Variants in CPXM2 observed in about 807,000 individuals in gnomAD.
The protein encoded by CPXM2 is inactive carboxypeptidase-like protein X2.
Under a neutral mutation model 86.1 loss-of-function variants are expected in CPXM2, and 66 were observed. The ratio of observed to expected loss-of-function variants is 0.77; its 90% CI spans 0.63 to 0.94. CPXM2 has a LOEUF of 0.94. Among genes scored for constraint, CPXM2 ranks in the 40% least tolerant of loss-of-function variants. The pLI is 0.00. For missense variants in CPXM2, 948 were observed against 1,026.3 expected (o/e 0.92, Z 1.04); for synonymous variants, 388 against 400.2 (o/e 0.97, Z 0.36).
chr10:123,923,763 T>C (rs940183650), intron 2 of CPXM2, among the ~76,000 whole-genome samples: 1 of 152,172 alleles, frequency 6.6e-6, no homozygotes, highest in Non-Finnish European at 1.5e-5. Flanking sequence ...GTTTCCTTCA[T>C]ACTATTCTCG....
At position 123,891,660 on chromosome 10, in the gene CPXM2, G is replaced by A. The variant is rs761094059; in HGVS notation, c.-1C>T. 6.8e-5 allele frequency: 95 copies of A among 1,400,094 alleles called. No homozygotes were observed. Among genetic ancestry groups the A allele is most frequent in the Non-Finnish European group, 8.5e-5 (92 of 1,078,644 alleles). The allele number at this position is 1,400,094 out of a possible 1,614,324, so 86.7% of individuals were successfully genotyped here. A position where few individuals can be genotyped will look rare whatever the true frequency, so the allele number is the denominator to read the frequency against. On this transcript the variant is annotated 5_prime_UTR_variant, in exon 1 of 14. Transcript: ENST00000241305. The surrounding 1 kb of genome is among the most constrained non-coding windows in gnomAD (Gnocchi z 5.6). ...GGGTAGCGGTCCCCGGGCGGGACAT[G>A]CCTGCTCCGCCCCGCGCCCAGGGCA...
chr10:123,892,163 A>T (rs1266217881), upstream of CPXM2, among the ~76,000 whole-genome samples: 4 of 152,204 alleles, frequency 2.6e-5, no homozygotes, highest in Non-Finnish European at 5.9e-5. Flanking sequence ...GAGCCCAAGC[A>T]GCCTCCAGCT....
At chr10:123,788,439 C>T (rs910542020) in intron 6 of CPXM2, among the ~76,000 whole-genome samples, 3 of 152,134 alleles carry the variant, frequency 2.0e-5, no homozygotes, top group East Asian at 1.9e-4. Flanking sequence ...AAGCCCGATA[C>T]GAAACTTCCC....
chr10:123,746,935 G>C lies in CPXM2; in HGVS notation c.2100C>G (p.Thr700=). ...TGTCATAGCCAACCATACAGTTCTT[G>C]GTGGATGCAGTGAAACCTTCGGCCT... ...TAKAEGFTAS[T]KNCMVGYDMG... The change falls in exon 14 of 14, where the codon ACC becomes ACG. Residue 700 remains threonine, a synonymous_variant. Transcript: ENST00000241305. 6.2e-7 allele frequency: 1 copy of C among 1,614,174 alleles called. No individual in the cohort carries two copies. Among genetic ancestry groups the C allele is most frequent in the Non-Finnish European group, 8.5e-7 (1 of 1,180,028 alleles).
At position 123,862,633 on chromosome 10, in the gene CPXM2, C is replaced by G. The variant is rs144190123; in HGVS notation, c.494G>C (p.Arg165Pro). The G allele has an allele frequency of 8.7e-6, 14 of 1,614,150 alleles. No homozygotes were observed. Among genetic ancestry groups the G allele is most frequent in the East Asian group, 2.2e-5 (1 of 44,874 alleles). ...TVKRYGLGAHRGRLNIQAGIN... is the reference protein window; with the variant it reads ...TVKRYGLGAHPGRLNIQAGIN... ...AGGTACCTGGATGTTGAGTCTCCCT[C>G]GATGTGCCCCCAGGCCATAGCGCTT... The change falls in exon 3 of 14, where the codon CGA becomes CCA. Residue 165 changes from arginine to proline, a missense_variant. By Grantham distance (103) the Arg-to-Pro change is moderately radical (BLOSUM62 -2). Transcript: ENST00000241305.
intron 3 of CPXM2, among the ~76,000 whole-genome samples, chr10:123,852,241 G>A (rs1479974506): frequency 2.0e-5 from 3 of 152,064 alleles, no homozygotes; most frequent in Non-Finnish European, 4.4e-5. Flanking sequence ...ATTCCCAGGT[G>A]GGATTTTTTT....
intron 4 of CPXM2, among the ~76,000 whole-genome samples, chr10:123,827,646 T>C (rs538184418): frequency 5.9e-5 from 9 of 152,350 alleles, no homozygotes; most frequent in Non-Finnish European, 1.0e-4. Flanking sequence ...TCTACAAATG[T>C]ACACACAGCT....
intron 2 of CPXM2, among the ~76,000 whole-genome samples, chr10:123,876,659 A>G (rs1944992897): frequency 6.6e-6 from 1 of 152,226 alleles, no homozygotes; most frequent in African/African-American, 2.4e-5. Context: ...CACTTATATA[A>G]TATCCTGGAT....
At chr10:123,773,706 G>A (rs1445001901) in intron 7 of CPXM2, among the ~76,000 whole-genome samples, 1 of 152,152 alleles carries the variant, frequency 6.6e-6, no homozygotes, top group Non-Finnish European at 1.5e-5. Flanking sequence ...GCAGAGCATT[G>A]GGTCACCATG....
chr10:123,832,870 C>T (rs914614332), intron 4 of CPXM2, among the ~76,000 whole-genome samples: 1 of 150,148 alleles, frequency 6.7e-6, no homozygotes, highest in Non-Finnish European at 1.5e-5. Context: ...GCAGAGCCCT[C>T]ATGAATGGAT....
chr10:123,808,140 A>G (rs923990995), intron 4 of CPXM2, among the ~76,000 whole-genome samples: 4 of 152,220 alleles, frequency 2.6e-5, no homozygotes, highest in Admixed American at 6.5e-5. Flanking sequence ...GAGGCAGGCC[A>G]TAATAGAAAA....
chr10:123,866,105 C>T (rs1166475686), intron 2 of CPXM2, among the ~76,000 whole-genome samples: 3 of 152,124 alleles, frequency 2.0e-5, no homozygotes, highest in Non-Finnish European at 4.4e-5. Flanking sequence ...CCACCTTCCC[C>T]AGGGCAGTCT....
chr10:123,844,844 A>G (rs1163996968), intron 3 of CPXM2, among the ~76,000 whole-genome samples: 1 of 152,166 alleles, frequency 6.6e-6, no homozygotes, highest in Non-Finnish European at 1.5e-5. Flanking sequence ...CCTGGGTTTC[A>G]AGATACCTTT....
At chr10:123,862,955 C>G (rs1010163005) in intron 2 of CPXM2, among the ~76,000 whole-genome samples, 4 of 152,312 alleles carry the variant, frequency 2.6e-5, no homozygotes, top group Admixed American at 2.6e-4. Flanking sequence ...CTTTTGCTGT[C>G]CATGCTACTG....
At chr10:123,925,838 G>A (rs182324830) in intron 2 of CPXM2, among the ~76,000 whole-genome samples, 1 of 152,278 alleles carries the variant, frequency 6.6e-6, no homozygotes, top group East Asian at 1.9e-4. Context: ...AGAGCAATGA[G>A]CAAATTCATG....
intron 2 of CPXM2, among the ~76,000 whole-genome samples, chr10:123,900,831 C>T (rs1342159955): frequency 6.6e-6 from 1 of 152,164 alleles, no homozygotes; most frequent in Non-Finnish European, 1.5e-5. Flanking sequence ...GTCACTGAAA[C>T]AATTTCTACA....
intron 3 of CPXM2, among the ~76,000 whole-genome samples, chr10:123,857,266 T>C (rs527485584): frequency 6.6e-6 from 1 of 151,936 alleles, no homozygotes; most frequent in African/African-American, 2.4e-5. Context: ...TCTTTCAAAG[T>C]CTTCTGCTTA....
Position 123,909,629 on chromosome 10 carries a change from C to T in CPXM2, n.175-29320G>A, listed in dbSNP as rs757200111. On this transcript the variant is annotated intron_variant and non_coding_transcript_variant, in intron 2 of 19. Coordinates refer to the CPXM2 transcript ENST00000368854. ...GTACGGTACTAAATCTTTGTCAACA[C>T]TTCTCCAAATGCAGAAGTTGACAGT... 1.8e-4 allele frequency among the ~76,000 whole-genome samples: 27 copies of T among 152,230 alleles called. 1 individual carries two copies. The highest frequency in any genetic ancestry group is 5.9e-4 in the Admixed American group (9 of 15,284).
intron 2 of CPXM2, among the ~76,000 whole-genome samples, chr10:123,918,119 G>T (rs891839104): frequency 6.6e-6 from 1 of 152,106 alleles, no homozygotes; most frequent in African/African-American, 2.4e-5. Flanking sequence ...AAATATGTTG[G>T]TATTTATTAT....
Sources: allele counts gnomAD v4.1 joint callset (sites outside exome capture counted in the v4.1 genomes callset), GRCh38; gene constraint gnomAD v4.1.1; non-coding constraint Gnocchi (gnomAD v3.1); transcripts MANE v1.5; gene names NCBI Gene and HGNC (gene_info 2026-07-23, HGNC 2026-07-21).